Variants in NBPF12 observed in about 807,000 individuals in gnomAD.
The protein encoded by NBPF12 is NBPF family member NBPF12.
NBPF12 carries 115 observed loss-of-function variants against 146.4 expected under a neutral mutation model. The ratio of observed to expected loss-of-function variants is 0.79; its 90% CI spans 0.68 to 0.92. The LOEUF is 0.92. Among genes scored for constraint, NBPF12 ranks in the 40% least tolerant of loss-of-function variants. The pLI is 0.00. For synonymous variants in NBPF12, 385 were observed against 508.9 expected, an observed-to-expected ratio of 0.76 and a Z score of 3.28; for missense variants, 1,205 against 1,326.8, an observed-to-expected ratio of 0.91 and a Z score of 1.43.
At chr1:146,942,863 A>G (rs1559514279) in intron 1 of NBPF12, among the ~76,000 whole-genome samples, 1 of 149,862 alleles carries the variant, frequency 6.7e-6, no homozygotes, top group South Asian at 2.1e-4. Context: ...CTTGTTCACT[A>G]AGATCTACCT....
chr1:146,955,779 G>T (rs1453303454), intron 2 of NBPF12, among the ~76,000 whole-genome samples: 1 of 151,552 alleles, frequency 6.6e-6, no homozygotes, highest in East Asian at 1.9e-4. Flanking sequence ...CAGAGGTTTG[G>T]AGAGTCCCTT....
chr1:146,959,433 A>G lies in NBPF12; in HGVS notation c.-183-426A>G, dbSNP rs1213723415. On this transcript the variant is annotated intron_variant, in intron 2 of 33. Coordinates refer to ENST00000617844, the Ensembl canonical transcript of NBPF12. ...AACCTGGGAGGCAGAGCTTGCAGTG[A>G]GCCTAGATCGCGTCACTGCACTCCA... Among the ~76,000 whole-genome samples, 20 of 52,328 alleles carry G rather than the reference A, an allele frequency of 3.8e-4. 1 individual carries two copies. The highest frequency in any genetic ancestry group is 2.6e-3 in the Admixed American group (12 of 4,564). 34.3% of individuals were successfully genotyped at this position (52,328 alleles called of 152,430 possible).
At chr1:146,940,202 CTCT>C (rs1245981880) in intron 1 of NBPF12, among the ~76,000 whole-genome samples, 13 of 151,904 alleles carry the variant, frequency 8.6e-5, no homozygotes, top group Admixed American at 7.9e-4. Flanking sequence ...GAACCAAAAG[CTCT>C]TTTTTTTTCT....
At chr1:146,971,305 C>T (rs1656595607) in exon 13 of NBPF12, 1 of 1,612,276 alleles carries the variant, frequency 6.2e-7, no homozygotes, top group Non-Finnish European at 8.5e-7. Flanking sequence ...ATCAAAATCA[C>T]ATTTGAGGAA....
At chr1:146,956,276 A>C (rs1261699908) in intron 2 of NBPF12, among the ~76,000 whole-genome samples, 1 of 152,028 alleles carries the variant, frequency 6.6e-6, no homozygotes, top group Non-Finnish European at 1.5e-5. Flanking sequence ...CACAGGTATC[A>C]TTTCATTTGT....
At chr1:146,965,790 T>TAAAAAA (rs1656154693) in intron 8 of NBPF12, among the ~76,000 whole-genome samples, 1 of 8,238 alleles carries the variant, frequency 1.2e-4, no homozygotes, top group Non-Finnish European at 1.9e-4. Context: ...AGACTGCATC[T>TAAAAAA]CAAAAAAAAA....
intron 13 of NBPF12, among the ~76,000 whole-genome samples, chr1:146,971,897 G>T (rs1185537885): frequency 7.3e-6 from 1 of 136,546 alleles, no homozygotes; most frequent in South Asian, 2.5e-4. Flanking sequence ...GGCTAACACG[G>T]TGAAACCCCA....
chr1:146,970,810 A>C, intron 12 of NBPF12, 91 bp downstream of exon 15: 1 of 1,130,148 alleles, frequency 8.8e-7, no homozygotes, highest in African/African-American at 1.5e-5. Context: ...GATGGGCCAA[A>C]AGCCCGCATT....
At chr1:146,965,879 G>A (rs1347522863) in intron 8 of NBPF12, among the ~76,000 whole-genome samples, 176 of 150,680 alleles carry the variant, frequency 1.2e-3, no homozygotes, top group African/African-American at 4.3e-3. Context: ...AGGCCGAGGT[G>A]GGCGGAACAC....
intron 14 of NBPF12, among the ~76,000 whole-genome samples, chr1:146,973,271 C>G (rs1358067197): frequency 6.6e-6 from 1 of 151,242 alleles, no homozygotes; most frequent in Non-Finnish European, 1.5e-5. Flanking sequence ...CTCTCTGTAC[C>G]ATATAAGATC....
At chr1:146,939,679 G>C (rs1346816198) in intron 1 of NBPF12, among the ~76,000 whole-genome samples, 41 of 151,882 alleles carry the variant, frequency 2.7e-4, no homozygotes, top group Admixed American at 6.5e-4. Context: ...ACCAAGCGAG[G>C]AATGGTTTCC....
chr1:146,941,673 G>T (rs1274574954), intron 1 of NBPF12, among the ~76,000 whole-genome samples: 1 of 143,812 alleles, frequency 7.0e-6, no homozygotes, highest in East Asian at 2.2e-4. Flanking sequence ...AGAATTGCTT[G>T]AACCCAGGAG....
intron 2 of NBPF12, among the ~76,000 whole-genome samples, chr1:146,955,974 G>A (rs1262484041): frequency 2.7e-5 from 4 of 149,472 alleles, no homozygotes; most frequent in Non-Finnish European, 5.9e-5. Flanking sequence ...TTGTATAAGG[G>A]CACTGGCTTC....
intron 14 of NBPF12, among the ~76,000 whole-genome samples, chr1:146,974,392 C>G (rs1656857469): frequency 1.4e-5 from 2 of 138,700 alleles, no homozygotes; most frequent in Admixed American, 7.8e-5. Flanking sequence ...TACTTCATGC[C>G]CCAGTGCAGT....
chr1:146,973,965 G>T (rs1436412434), intron 14 of NBPF12, among the ~76,000 whole-genome samples: 721 of 149,178 alleles, frequency 4.8e-3, no homozygotes, highest in African/African-American at 0.018. Context: ...CTGTCTCCTG[G>T]GCTCCATCCA....
exon 12 of NBPF12, chr1:146,970,713 C>T (rs1656546093): frequency 2.9e-6 from 4 of 1,363,640 alleles, no homozygotes; most frequent in Non-Finnish European, 2.1e-6. Context: ...GAATCATCTT[C>T]CCCCAGGTGA....
chr1:146,938,492 G>T (rs1654631144), upstream of NBPF12, among the ~76,000 whole-genome samples: 1 of 152,162 alleles, frequency 6.6e-6, no homozygotes, highest in Non-Finnish European at 1.5e-5. Flanking sequence ...TGCTTTGAAA[G>T]AGAGGCGGAG....
At chr1:146,973,164 G>T (rs1475187499) in intron 14 of NBPF12, among the ~76,000 whole-genome samples, 1 of 148,892 alleles carries the variant, frequency 6.7e-6, no homozygotes, top group Non-Finnish European at 1.5e-5. Context: ...CAATCAGGTG[G>T]GGGTGGGACT....
chr1:146,948,605 C>T (rs1226138556), upstream of NBPF12, among the ~76,000 whole-genome samples: 9 of 152,146 alleles, frequency 5.9e-5, no homozygotes, highest in East Asian at 3.9e-4. Context: ...CACTACACTG[C>T]GGAAGACTGC....
Sources: allele counts gnomAD v4.1 joint callset (sites outside exome capture counted in the v4.1 genomes callset), GRCh38; gene constraint gnomAD v4.1.1; transcripts MANE v1.5; gene names NCBI Gene and HGNC (gene_info 2026-07-23, HGNC 2026-07-21).